Variants in CMSS1 observed in about 807,000 individuals in gnomAD.
The protein encoded by CMSS1 is protein CMSS1.
CMSS1 carries 33 observed loss-of-function variants against 43.5 expected under a neutral mutation model. The observed-to-expected ratio is 0.76, with a 90% CI of 0.57 to 1.01. The LOEUF is 1.01. CMSS1 is among the 50% of genes least tolerant of loss of function. The pLI, the probability that CMSS1 is intolerant of heterozygous loss-of-function variation, is 0.00. For synonymous variants in CMSS1, 115 were observed against 117.2 expected (o/e 0.98, Z 0.12); for missense variants, 313 against 326.4 (o/e 0.96, Z 0.32).
chr3:99,977,559 G>T (rs184585905), intron 1 of CMSS1, among the ~76,000 whole-genome samples: 1 of 152,010 alleles, frequency 6.6e-6, no homozygotes, highest in Admixed American at 6.5e-5. Context: ...CCTCCAAAAA[G>T]AATAAAATTA....
chr3:100,060,624 G>T (rs1397040757), intron 1 of CMSS1, among the ~76,000 whole-genome samples: 1 of 152,144 alleles, frequency 6.6e-6, no homozygotes, highest in African/African-American at 2.4e-5. Context: ...GGAGGCTGAA[G>T]CAGACAGATA....
At chr3:100,065,252 A>G (rs982147301) in intron 1 of CMSS1, among the ~76,000 whole-genome samples, 46 of 152,168 alleles carry the variant, frequency 3.0e-4, no homozygotes, top group Admixed American at 2.6e-3. Flanking sequence ...ATTAGCTCCT[A>G]TGTTTTAACG....
intron 2 of CMSS1, among the ~76,000 whole-genome samples, chr3:100,155,718 T>A (rs1457334227): frequency 6.6e-6 from 1 of 152,248 alleles, no homozygotes; most frequent in Non-Finnish European, 1.5e-5. Flanking sequence ...AGACTTCATA[T>A]TTGAATATGT....
At chr3:99,876,149 G>C in intron 1 of CMSS1, 1 of 986,112 alleles carries the variant, frequency 1.0e-6, no homozygotes, top group Non-Finnish European at 1.2e-6. Flanking sequence ...GACTGTGCGC[G>C]CTCCGAGAGT....
chr3:99,894,323 A>G lies in CMSS1; in HGVS notation c.64+76280A>G, dbSNP rs145795759. On this transcript the variant is annotated intron_variant, in intron 1 of 9. Transcript: ENST00000421999. ...AGGAGTTCAGGTGAAGATCTGCCCC[A>G]TTTGTTCATCTGTTGTGGGTGCCTA... 4.6e-3 allele frequency among the ~76,000 whole-genome samples: 696 copies of G among 152,276 alleles called. 2 individuals carry two copies. Among genetic ancestry groups the G allele is most frequent in the South Asian group, 7.1e-3 (34 of 4,820 alleles).
chr3:100,013,166 C>T (rs1559725164), intron 1 of CMSS1, among the ~76,000 whole-genome samples: 1 of 152,044 alleles, frequency 6.6e-6, no homozygotes, highest in East Asian at 1.9e-4. Context: ...CATGAGCTAC[C>T]ATGCCCAACT....
rs1188739999 is a variant in CMSS1, at chr3:100,101,879, T to C, written c.65-45094T>C. Among the ~76,000 whole-genome samples, 52 of 152,174 alleles carry C rather than the reference T, an allele frequency of 3.4e-4. 1 individual carries two copies. The highest frequency in any genetic ancestry group is 2.3e-3 in the Admixed American group (35 of 15,270). On this transcript the variant is annotated intron_variant, in intron 1 of 9. Coordinates refer to ENST00000421999, the MANE Select transcript of CMSS1 (RefSeq NM_032359.4). Reference sequence around the variant, plus strand: ...AGTGAGAACATGCAGTGTTTGGTTTTTTGTCCTTGCGATAGTTTGCTGAGA... The same window carrying C: ...AGTGAGAACATGCAGTGTTTGGTTTCTTGTCCTTGCGATAGTTTGCTGAGA...
chr3:100,032,898 C>G (rs1221140319), intron 1 of CMSS1, among the ~76,000 whole-genome samples: 1 of 152,088 alleles, frequency 6.6e-6, no homozygotes, highest in Non-Finnish European at 1.5e-5. Flanking sequence ...CATTTATTCC[C>G]TGCAACAAGC....
At chr3:100,057,703 G>A (rs377150753) in intron 1 of CMSS1, among the ~76,000 whole-genome samples, 19 of 152,112 alleles carry the variant, frequency 1.2e-4, no homozygotes, top group African/African-American at 4.1e-4. Flanking sequence ...CTGCTTGCCC[G>A]GGTGTTTCAT....
At chr3:99,881,747 G>C (rs916787502) in intron 1 of CMSS1, among the ~76,000 whole-genome samples, 30 of 152,254 alleles carry the variant, frequency 2.0e-4, no homozygotes, top group Admixed American at 7.2e-4. Context: ...TGGCCAGGCT[G>C]GTCTCGAACT....
intron 1 of CMSS1, among the ~76,000 whole-genome samples, chr3:99,986,819 A>G (rs531763677): frequency 2.0e-5 from 3 of 152,316 alleles, no homozygotes; most frequent in Admixed American, 6.5e-5. Context: ...AAATGTCTGC[A>G]GTACAGAGGA....
At chr3:100,097,378 A>C (rs541119935) in intron 1 of CMSS1, among the ~76,000 whole-genome samples, 1 of 152,328 alleles carries the variant, frequency 6.6e-6, no homozygotes, top group East Asian at 1.9e-4. Context: ...TGCATGGATT[A>C]TATGCAAATA....
chr3:100,109,903 A>ACCCCC (rs35074224), intron 1 of CMSS1: 1 of 72,322 alleles, frequency 1.4e-5, no homozygotes, highest in African/African-American at 5.7e-5. Context: ...TTCTTTTATG[A>ACCCCC]CCCCCCCCCC....
chr3:100,081,290 A>T (rs2065928191), intron 1 of CMSS1, among the ~76,000 whole-genome samples: 1 of 152,210 alleles, frequency 6.6e-6, no homozygotes, highest in South Asian at 2.1e-4. Context: ...TGGAGAACAA[A>T]TCACCTTTCA....
chr3:99,851,833 A>G (rs1576512834), intron 1 of CMSS1, among the ~76,000 whole-genome samples: 2 of 152,348 alleles, frequency 1.3e-5, no homozygotes, highest in African/African-American at 2.4e-5. Context: ...ACTACTTCAC[A>G]TATATCTTAT....
intron 1 of CMSS1, among the ~76,000 whole-genome samples, chr3:100,008,282 A>T (rs953019721): frequency 6.6e-6 from 1 of 152,174 alleles, no homozygotes; most frequent in African/African-American, 2.4e-5. Flanking sequence ...CAGCAATAGC[A>T]TAGACTTGAA....
intron 1 of CMSS1, among the ~76,000 whole-genome samples, chr3:99,968,126 C>A (rs913501537): frequency 2.0e-5 from 3 of 152,110 alleles, no homozygotes; most frequent in African/African-American, 4.8e-5. Context: ...GGGCACCTAG[C>A]CTTACGTGGC....
chr3:100,022,747 C>T (rs555797934), intron 1 of CMSS1, among the ~76,000 whole-genome samples: 2 of 152,286 alleles, frequency 1.3e-5, no homozygotes, highest in South Asian at 4.1e-4. Context: ...ATCATTTGTT[C>T]CCATGGTTAT....
At chr3:99,856,038 A>G (rs1308634178) in intron 1 of CMSS1, among the ~76,000 whole-genome samples, 2 of 152,206 alleles carry the variant, frequency 1.3e-5, no homozygotes, top group African/African-American at 2.4e-5. Flanking sequence ...CCTCAGCTGA[A>G]GAAACAAGGC....
Sources: gnomAD v4.1 joint callset for allele counts (sites outside exome capture counted in the v4.1 genomes callset) on GRCh38, gnomAD v4.1.1 for gene constraint, MANE v1.5 for transcripts, NCBI Gene and HGNC (gene_info 2026-07-23, HGNC 2026-07-21) for gene names.